CHCHD6: variants seen among roughly 807,000 people sequenced by gnomAD.
CHCHD6 encodes the protein coiled-coil-helix-coiled-coil-helix domain containing 6, also known as MICOS complex subunit MIC25.
CHCHD6 carries 28 observed loss-of-function variants against 32.3 expected under a neutral mutation model. That is an observed-to-expected ratio of 0.87 (90% CI 0.64 to 1.19). The LOEUF is 1.19. CHCHD6 is among the 50% of genes most tolerant of loss of function. CHCHD6 has a pLI of 0.00. For synonymous variants in CHCHD6, 122 were observed against 117.5 expected (o/e 1.04, Z -0.25); for missense variants, 333 against 307.0 (o/e 1.08, Z -0.63).
At chr3:126,952,336 A>T (rs2078727094) in intron 6 of CHCHD6, among the ~76,000 whole-genome samples, 1 of 151,836 alleles carries the variant, frequency 6.6e-6, no homozygotes, top group Admixed American at 6.6e-5. Context: ...CAGGAGGAGG[A>T]GATGTTGGGA....
At chr3:126,901,915 T>C (rs1196475611) in intron 5 of CHCHD6, among the ~76,000 whole-genome samples, 4 of 152,248 alleles carry the variant, frequency 2.6e-5, no homozygotes, top group Non-Finnish European at 5.9e-5. Flanking sequence ...CTGCATTGTC[T>C]AATCCTTTAA....
At chr3:126,731,814 C>G (rs1330973127) in intron 3 of CHCHD6, among the ~76,000 whole-genome samples, 2 of 152,090 alleles carry the variant, frequency 1.3e-5, no homozygotes, top group Non-Finnish European at 2.9e-5. Flanking sequence ...GTGGCTCAAT[C>G]CTGTAATCCC....
chr3:126,896,963 C>T, intron 5 of CHCHD6, among the ~76,000 whole-genome samples: 1 of 152,204 alleles, frequency 6.6e-6, no homozygotes, highest in East Asian at 1.9e-4. Flanking sequence ...TGAACACCTC[C>T]TACTGCTGTA....
chr3:126,816,479 G>T (rs1008132539), intron 4 of CHCHD6, among the ~76,000 whole-genome samples: 1 of 152,184 alleles, frequency 6.6e-6, no homozygotes, highest in Non-Finnish European at 1.5e-5. Context: ...CCAGCCAGCT[G>T]TCATTGCCAG....
intron 6 of CHCHD6, among the ~76,000 whole-genome samples, chr3:126,921,298 A>G (rs72980900): frequency 0.031 from 4,721 of 152,276 alleles, 163 homozygotes; most frequent in East Asian, 0.16. Context: ...GTTGATGGCA[A>G]GGCTGACAGT....
Position 126,913,207 on chromosome 3 carries a change from C to CTTTTTTTTTTTTTTT in CHCHD6, c.496-1450_496-1436dup, listed in dbSNP as rs546179022. On this transcript the variant is annotated intron_variant, in intron 5 of 7. Coordinates refer to ENST00000290913, the MANE Select transcript of CHCHD6 (RefSeq NM_032343.3). ...GGATAATCATGCTGCCCGTATGAGC[C>CTTTTTTTTTTTTTTT]TTTTTTTTTTTTTTTTTTTTTTTTT... 1.2e-4 allele frequency among the ~76,000 whole-genome samples: 4 copies of CTTTTTTTTTTTTTTT among 33,786 alleles called. 1 individual carries two copies. The highest frequency in any genetic ancestry group is 5.2e-4 in the African/African-American group (4 of 7,642). The allele number at this position is 33,786 out of a possible 152,430, so 22.2% of individuals were successfully genotyped here. A position where few individuals can be genotyped will look rare whatever the true frequency, so the allele number is the denominator to read the frequency against.
At chr3:126,803,149 G>GC (rs1475107942) in intron 4 of CHCHD6, among the ~76,000 whole-genome samples, 9 of 151,808 alleles carry the variant, frequency 5.9e-5, no homozygotes, top group African/African-American at 2.2e-4. Flanking sequence ...GGAAGAAACT[G>GC]CATCAACTAA....
chr3:126,868,437 C>CTT (rs1217362247), intron 5 of CHCHD6, among the ~76,000 whole-genome samples: 1 of 147,308 alleles, frequency 6.8e-6, no homozygotes, highest in African/African-American at 2.5e-5. Context: ...GGCAGCATTG[C>CTT]TTTTTTTTTT....
At chr3:126,857,768 G>A (rs185929805) in intron 5 of CHCHD6, among the ~76,000 whole-genome samples, 12 of 152,326 alleles carry the variant, frequency 7.9e-5, no homozygotes, top group Admixed American at 3.3e-4. Flanking sequence ...TTGCACACTC[G>A]GAAGAATGGC....
chr3:126,748,539 G>T (rs1306356953), intron 4 of CHCHD6, among the ~76,000 whole-genome samples: 1 of 150,428 alleles, frequency 6.6e-6, no homozygotes, highest in Non-Finnish European at 1.5e-5. Flanking sequence ...AGGTGGCGGT[G>T]AGCCGAGATT....
intron 6 of CHCHD6, among the ~76,000 whole-genome samples, chr3:126,955,821 T>C (rs1489739341): frequency 1.3e-5 from 2 of 152,122 alleles, no homozygotes; most frequent in Admixed American, 6.5e-5. Flanking sequence ...TTGTCCCGCG[T>C]AGTCAGATGA....
chr3:126,815,643 GCCCC>G (rs11341202), intron 4 of CHCHD6, among the ~76,000 whole-genome samples: 1,619 of 127,706 alleles, frequency 0.013, 31 homozygotes, highest in Middle Eastern at 0.045. Flanking sequence ...GTGGGTTCTT[GCCCC>G]CCCCCCCCCA....
intron 4 of CHCHD6, among the ~76,000 whole-genome samples, chr3:126,799,628 T>C (rs973934391): frequency 3.3e-5 from 5 of 152,186 alleles, no homozygotes; most frequent in African/African-American, 1.2e-4. Context: ...CCCACATTCC[T>C]GGGTGTCTCT....
chr3:126,723,203 G>A (rs1576338830), intron 1 of CHCHD6, among the ~76,000 whole-genome samples: 1 of 152,096 alleles, frequency 6.6e-6, no homozygotes, highest in African/African-American at 2.4e-5. Flanking sequence ...TTATTTGATT[G>A]TATATATCTT....
At chr3:126,732,954 G>A (rs914100189) in intron 3 of CHCHD6, 124 bp from the exon 4 acceptor site, 267 of 1,066,652 alleles carry the variant, frequency 2.5e-4, no homozygotes, top group Non-Finnish European at 3.4e-4. Flanking sequence ...CTCCTTTCCT[G>A]ACCAGCCGCT....
intron 6 of CHCHD6, among the ~76,000 whole-genome samples, chr3:126,945,767 T>C: frequency 7.4e-6 from 1 of 135,034 alleles, no homozygotes; most frequent in Non-Finnish European, 1.6e-5. Flanking sequence ...GTGGGGAGAC[T>C]CGAGCGGGGA....
At chr3:126,927,865 T>C (rs773668268) in intron 6 of CHCHD6, among the ~76,000 whole-genome samples, 5 of 152,252 alleles carry the variant, frequency 3.3e-5, no homozygotes, top group Non-Finnish European at 7.3e-5. Context: ...ATTCCTGTTC[T>C]TTAGAGAAAG....
At chr3:126,924,766 A>G (rs2078299479) in intron 6 of CHCHD6, among the ~76,000 whole-genome samples, 1 of 152,208 alleles carries the variant, frequency 6.6e-6, no homozygotes, top group Non-Finnish European at 1.5e-5. Context: ...CACCTGAGGC[A>G]CAGATGAGCT....
chr3:126,836,691 C>A (rs1258015172), intron 4 of CHCHD6, among the ~76,000 whole-genome samples: 2 of 152,134 alleles, frequency 1.3e-5, no homozygotes, highest in African/African-American at 4.8e-5. Context: ...AGAGATTGTG[C>A]GGAGATGCTG....
Sources: gnomAD v4.1 joint callset for allele counts (sites outside exome capture counted in the v4.1 genomes callset) on GRCh38, gnomAD v4.1.1 for gene constraint, MANE v1.5 for transcripts, NCBI Gene and HGNC (gene_info 2026-07-23, HGNC 2026-07-21) for gene names.